KATNAL1: variants seen among roughly 807,000 people sequenced by gnomAD.
KATNAL1 encodes katanin catalytic subunit A1 like 1, also known as katanin p60 ATPase-containing subunit A-like 1.
Under a neutral mutation model 55.2 loss-of-function variants are expected in KATNAL1, and 32 were observed. The ratio of observed to expected loss-of-function variants is 0.58; its 90% CI spans 0.44 to 0.78. The LOEUF (loss-of-function observed/expected upper bound fraction) is 0.78. Ranked by LOEUF, KATNAL1 falls within the 30% of genes least tolerant of loss-of-function variation. KATNAL1 has a pLI of 0.00. For missense variants in KATNAL1, 466 were observed against 600.9 expected, an observed-to-expected ratio of 0.78 and a Z score of 2.35; for synonymous variants, 193 against 193.6, an observed-to-expected ratio of 1.00 and a Z score of 0.02.
chr13:30,302,937 G>A (rs565141304), intron 1 of KATNAL1, among the ~76,000 whole-genome samples: 1 of 152,220 alleles, frequency 6.6e-6, no homozygotes, highest in South Asian at 2.1e-4. Context: ...ATACAATTGG[G>A]GGATCAGCAA....
chr13:30,220,979 G>A (rs1002834861), intron 9 of KATNAL1, among the ~76,000 whole-genome samples: 5 of 152,254 alleles, frequency 3.3e-5, no homozygotes, highest in African/African-American at 1.2e-4. Flanking sequence ...GATTACAGGC[G>A]TGAGCAACAA....
intron 4 of KATNAL1, 151 bp downstream of exon 4, chr13:30,255,296 A>T (rs1261932986): frequency 3.6e-6 from 2 of 548,388 alleles, no homozygotes; most frequent in African/African-American, 3.9e-5. Context: ...CATGGCCTTC[A>T]AAATACAAAG....
At chr13:30,232,793 T>C (rs1376340146) in intron 6 of KATNAL1, among the ~76,000 whole-genome samples, 1 of 152,156 alleles carries the variant, frequency 6.6e-6, no homozygotes, top group Non-Finnish European at 1.5e-5. Context: ...TACTGGCTCT[T>C]TCCCCTCGGT....
At chr13:30,249,145 T>C (rs189499282) in intron 4 of KATNAL1, among the ~76,000 whole-genome samples, 2 of 152,026 alleles carry the variant, frequency 1.3e-5, no homozygotes, top group East Asian at 1.9e-4. Context: ...GGCAGGAGAA[T>C]TGCTTGAACC....
chr13:30,281,011 T>C (rs2137531813), intron 2 of KATNAL1, among the ~76,000 whole-genome samples: 1 of 151,126 alleles, frequency 6.6e-6, no homozygotes, highest in South Asian at 2.1e-4. Flanking sequence ...TGCGAGTCTA[T>C]AGTCCTAGCT....
At chr13:30,276,815 GA>G in intron 3 of KATNAL1, among the ~76,000 whole-genome samples, 1 of 152,262 alleles carries the variant, frequency 6.6e-6, no homozygotes, top group South Asian at 2.1e-4. Context: ...TCCTGAAGAT[GA>G]AAGAGACTTG....
At chr13:30,234,105 CCCATT>C (rs1442635560) in intron 6 of KATNAL1, among the ~76,000 whole-genome samples, 5 of 152,048 alleles carry the variant, frequency 3.3e-5, no homozygotes, top group African/African-American at 1.2e-4. Flanking sequence ...TGGTGGATAT[CCCATT>C]TATACTGATT....
intron 7 of KATNAL1, 80 bp downstream of exon 7, chr13:30,231,234 T>G: frequency 8.8e-7 from 1 of 1,136,560 alleles, no homozygotes; most frequent in Non-Finnish European, 1.2e-6. Flanking sequence ...CAAAAAAGAT[T>G]CCAGGTGGAC....
intron 3 of KATNAL1, among the ~76,000 whole-genome samples, chr13:30,264,175 G>A (rs1283822929): frequency 6.6e-6 from 1 of 151,234 alleles, no homozygotes; most frequent in East Asian, 1.9e-4. Flanking sequence ...CTAGCCATAT[G>A]TAGAAAGCTG....
chr13:30,250,007 T>G (rs899715702), intron 4 of KATNAL1, among the ~76,000 whole-genome samples: 1 of 152,218 alleles, frequency 6.6e-6, no homozygotes, highest in African/African-American at 2.4e-5. Context: ...ATCCTAATTA[T>G]TTTACTATTA....
intron 4 of KATNAL1, among the ~76,000 whole-genome samples, chr13:30,253,027 G>A (rs778387750): frequency 3.3e-5 from 5 of 152,148 alleles, no homozygotes; most frequent in African/African-American, 1.2e-4. Context: ...GATTACAGGC[G>A]TGAGCCACTG....
At position 30,307,470 on chromosome 13, in the gene KATNAL1, T is replaced by G. The variant is rs961815533; in HGVS notation, c.-154A>C. On this transcript the variant is annotated 5_prime_UTR_variant, in exon 1 of 11. The change abolishes an upstream ATG in the 5' untranslated region. Coordinates refer to ENST00000380615, the MANE Select transcript of KATNAL1 (RefSeq NM_032116.5). Reference sequence around the variant, plus strand: ...AGGCGGCGGCGGCGTAGTGTTGCCATGGCAGCCGCGGCCGCGCGGTGGGCG... The same window carrying G: ...AGGCGGCGGCGGCGTAGTGTTGCCAGGGCAGCCGCGGCCGCGCGGTGGGCG... 1 of 151,146 alleles carries G rather than the reference T, an allele frequency of 6.6e-6. No individual in the cohort carries two copies. The highest frequency in any genetic ancestry group is 1.5e-5 in the Non-Finnish European group (1 of 68,072). 9.4% of individuals were successfully genotyped at this position (151,146 alleles called of 1,614,324 possible). A position where few individuals can be genotyped will look rare whatever the true frequency, so the allele number is the denominator to read the frequency against.
At chr13:30,275,164 T>G (rs1202235030) in intron 3 of KATNAL1, among the ~76,000 whole-genome samples, 1 of 152,202 alleles carries the variant, frequency 6.6e-6, no homozygotes, top group African/African-American at 2.4e-5. Context: ...TTCTGCAGGC[T>G]GTACAAGCAC....
intron 9 of KATNAL1, among the ~76,000 whole-genome samples, chr13:30,213,336 C>T (rs561563435): frequency 2.0e-5 from 3 of 152,286 alleles, no homozygotes; most frequent in East Asian, 3.9e-4. Context: ...CCGAATTCCA[C>T]CAGAGGTACA....
intron 1 of KATNAL1, chr13:30,296,413 C>T: frequency 3.2e-6 from 3 of 947,922 alleles, no homozygotes; most frequent in Non-Finnish European, 5.1e-6. Context: ...GGATTAACAT[C>T]CCCCGGAAGG....
chr13:30,275,661 C>A (rs139746344), intron 3 of KATNAL1, among the ~76,000 whole-genome samples: 391 of 152,142 alleles, frequency 2.6e-3, no homozygotes, highest in African/African-American at 9.0e-3. Context: ...CTGTAGTTAA[C>A]AATACTGTAT....
Position 30,205,259 on chromosome 13 carries a change from A to C in KATNAL1, c.*3281T>G, listed in dbSNP as rs370164972. 7.2e-5 allele frequency: 11 copies of C among 152,348 alleles called. No individual in the cohort carries two copies. Among genetic ancestry groups the C allele is most frequent in the African/African-American group, 2.4e-4 (10 of 41,580 alleles). The allele number at this position is 152,348 out of a possible 1,614,324, so 9.4% of individuals were successfully genotyped here. ...TCTTGTTTCAGTAGTAGAAGCCAGAAGCTATACAGAGTCGTTAGAGAAACT... is the reference window on the plus strand; with the variant it reads ...TCTTGTTTCAGTAGTAGAAGCCAGACGCTATACAGAGTCGTTAGAGAAACT... On this transcript the variant is annotated 3_prime_UTR_variant, in exon 11 of 11. Transcript: ENST00000380615.
At chr13:30,246,838 G>A (rs1485461762) in intron 4 of KATNAL1, among the ~76,000 whole-genome samples, 3 of 152,032 alleles carry the variant, frequency 2.0e-5, no homozygotes, top group Non-Finnish European at 4.4e-5. Context: ...AAACCACAAT[G>A]AGATACCATC....
At chr13:30,286,305 G>C (rs1593950231) in intron 1 of KATNAL1, among the ~76,000 whole-genome samples, 1 of 152,208 alleles carries the variant, frequency 6.6e-6, no homozygotes, top group East Asian at 1.9e-4. Context: ...GGGAAAAATG[G>C]GTTTCCTGGG....
Sources: allele counts gnomAD v4.1 joint callset (sites outside exome capture counted in the v4.1 genomes callset), GRCh38; gene constraint gnomAD v4.1.1; transcripts MANE v1.5; gene names NCBI Gene and HGNC (gene_info 2026-07-23, HGNC 2026-07-21).